Variants in ITPR2 observed in about 807,000 individuals in gnomAD.
ITPR2 encodes inositol 1,4,5-trisphosphate-gated calcium channel ITPR2.
ITPR2 carries 207 observed loss-of-function variants against 317.1 expected under a neutral mutation model. The observed-to-expected ratio is 0.65, with a 90% CI of 0.58 to 0.73. The LOEUF is 0.73. Among genes scored for constraint, ITPR2 ranks in the 30% least tolerant of loss-of-function variants. The pLI is 0.00. For synonymous variants in ITPR2, 1,156 were observed against 1,149.1 expected (o/e 1.01, Z -0.12); for missense variants, 2,613 against 3,284.0 (o/e 0.80, Z 4.99).
Position 26,461,621 on chromosome 12 carries a change from CATATAAATATATATATATAT to C in ITPR2, c.6342+13655_6342+13674del, listed in dbSNP as rs1409836282. Among the ~76,000 whole-genome samples the C allele has an allele frequency of 5.5e-3, 662 of 119,432 alleles. 14 individuals carry two copies. Among genetic ancestry groups the C allele is most frequent in the African/African-American group, 0.026 (630 of 24,504 alleles). The allele number at this position is 119,432 out of a possible 152,430, so 78.4% of individuals were successfully genotyped here. On this transcript the variant is annotated intron_variant, in intron 45 of 56. Coordinates refer to ENST00000381340, the MANE Select transcript of ITPR2 (RefSeq NM_002223.4). ...AAGCTGACAATAAGAAAAAGAAAAG[CATATAAATATATATATATAT>C]ATATATATATATATATATATATATA... is the stretch of plus-strand genomic sequence containing the variant.
intron 37 of ITPR2, 54 bp from the exon 38 acceptor site, chr12:26,495,314 A>C: frequency 1.0e-6 from 1 of 987,680 alleles, no homozygotes; most frequent in South Asian, 1.4e-5. Flanking sequence ...AAAAGTGAAA[A>C]ATGTCAGTAT....
At chr12:26,471,535 T>G (rs922090455) in intron 45 of ITPR2, among the ~76,000 whole-genome samples, 3 of 152,134 alleles carry the variant, frequency 2.0e-5, no homozygotes, top group African/African-American at 7.2e-5. Context: ...GTACTTATAG[T>G]TTTATGTAGA....
intron 48 of ITPR2, among the ~76,000 whole-genome samples, chr12:26,429,427 C>A (rs1240456004): frequency 6.6e-6 from 1 of 152,126 alleles, no homozygotes; most frequent in Non-Finnish European, 1.5e-5. Flanking sequence ...CAATTCTTGT[C>A]CTCTGGCAAT....
chr12:26,556,630 A>C (rs552395206), intron 35 of ITPR2, among the ~76,000 whole-genome samples: 17 of 151,100 alleles, frequency 1.1e-4, no homozygotes, highest in African/African-American at 4.1e-4. Context: ...ACAGGTAGCT[A>C]TAAGACTTCT....
chr12:26,613,754 T>C (rs1946320949), intron 26 of ITPR2, among the ~76,000 whole-genome samples: 1 of 152,040 alleles, frequency 6.6e-6, no homozygotes, highest in Non-Finnish European at 1.5e-5. Flanking sequence ...TTGGTGCTCA[T>C]CAAAAGCAAA....
At chr12:26,747,967 G>A (rs1201619094) in intron 2 of ITPR2, among the ~76,000 whole-genome samples, 1 of 152,164 alleles carries the variant, frequency 6.6e-6, no homozygotes, top group Non-Finnish European at 1.5e-5. Flanking sequence ...GAATAATTCA[G>A]TCTATCAACT....
chr12:26,685,051 T>C (rs911651712), intron 11 of ITPR2, among the ~76,000 whole-genome samples: 1 of 152,144 alleles, frequency 6.6e-6, no homozygotes, highest in Non-Finnish European at 1.5e-5. Flanking sequence ...TGTTTCTCAA[T>C]AGTGTTATTA....
chr12:26,601,718 A>G lies in ITPR2; in HGVS notation c.3678+652T>C, dbSNP rs145381464. 4.1e-3 allele frequency among the ~76,000 whole-genome samples: 631 copies of G among 152,352 alleles called. 7 individuals are homozygous for G. Among genetic ancestry groups the G allele is most frequent in the African/African-American group, 0.014 (599 of 41,586 alleles). On this transcript the variant is annotated intron_variant, in intron 28 of 56. Coordinates refer to ENST00000381340, the MANE Select transcript of ITPR2 (RefSeq NM_002223.4). Reference sequence around the variant, plus strand: ...GAATGGGATATTTACTTAGTTTCACAGAACTGCTCCACAAAATACCTATTA... The same window carrying G: ...GAATGGGATATTTACTTAGTTTCACGGAACTGCTCCACAAAATACCTATTA...
At chr12:26,740,650 G>A (rs914920265) in intron 2 of ITPR2, among the ~76,000 whole-genome samples, 6 of 152,184 alleles carry the variant, frequency 3.9e-5, no homozygotes, top group African/African-American at 7.2e-5. Context: ...CCTGAGATAC[G>A]GAAATGGATG....
rs151024104 is a variant in ITPR2 at position 26,413,301 on chromosome 12, T to C, written c.7307-1889A>G. ...CAGGGCCCTGTGATGGCTTTACCATTCAGCTTTAGAACTCAACCTCCCCTC... is the reference window on the plus strand; with the variant it reads ...CAGGGCCCTGTGATGGCTTTACCATCCAGCTTTAGAACTCAACCTCCCCTC... On this transcript the variant is annotated intron_variant, in intron 51 of 56. Transcript: ENST00000381340. Among the ~76,000 whole-genome samples, 317 of 152,340 alleles carry C rather than the reference T, an allele frequency of 2.1e-3. 4 individuals are homozygous for C. The highest frequency in any genetic ancestry group is 9.0e-3 in the Admixed American group (138 of 15,304).
At chr12:26,551,843 G>A (rs1290724608) in intron 36 of ITPR2, among the ~76,000 whole-genome samples, 2 of 152,218 alleles carry the variant, frequency 1.3e-5, no homozygotes, top group Admixed American at 6.5e-5. Flanking sequence ...TAAAGACCTG[G>A]AAGAGGAAAG....
At chr12:26,602,330 A>G in intron 28 of ITPR2, 40 bp downstream of exon 28, 4 of 1,565,650 alleles carry the variant, frequency 2.6e-6, no homozygotes, top group Non-Finnish European at 3.4e-6. Context: ...AAATTGTATC[A>G]AAATAAAAAG....
At chr12:26,674,611 A>G (rs1053467813) in intron 13 of ITPR2, among the ~76,000 whole-genome samples, 5 of 152,266 alleles carry the variant, frequency 3.3e-5, no homozygotes, top group Non-Finnish European at 7.3e-5. Context: ...AAACCTAGGC[A>G]TTACCATTCA....
chr12:26,483,176 G>C (rs999610083), intron 42 of ITPR2, among the ~76,000 whole-genome samples: 1 of 152,164 alleles, frequency 6.6e-6, no homozygotes, highest in Non-Finnish European at 1.5e-5. Flanking sequence ...AAGAGCACTC[G>C]ATTTAGACTC....
intron 54 of ITPR2, among the ~76,000 whole-genome samples, chr12:26,391,554 TCC>T (rs376565415): frequency 0.023 from 1,474 of 63,422 alleles, 95 homozygotes; most frequent in East Asian, 0.088. Context: ...CTTCTTCTTT[TCC>T]TTTTTTTTTT....
At chr12:26,368,798 A>G (rs571289924) in intron 55 of ITPR2, among the ~76,000 whole-genome samples, 2 of 152,368 alleles carry the variant, frequency 1.3e-5, no homozygotes, top group Admixed American at 6.5e-5. Flanking sequence ...TAATACAACA[A>G]TGAAAAAAAC....
chr12:26,725,780 C>G lies in ITPR2; in HGVS notation c.164-15G>C. 1 of 1,512,730 alleles carries G rather than the reference C, an allele frequency of 6.6e-7. No individual in the cohort carries two copies. The highest frequency in any genetic ancestry group is 9.2e-7 in the Non-Finnish European group (1 of 1,088,672). 93.7% of individuals were successfully genotyped at this position (1,512,730 alleles called of 1,614,324 possible). ...GAAAAGGCAGTCTGTGACAAACCAA[C>G]ATACAAAAACACTGTAACTAAGGCT... On this transcript the variant is annotated splice_polypyrimidine_tract_variant and intron_variant, in intron 2 of 56. Coordinates refer to ENST00000381340, the MANE Select transcript of ITPR2 (RefSeq NM_002223.4).
chr12:26,725,839 C>T (rs2137051106), intron 2 of ITPR2, 74 bp from the exon 3 acceptor site: 1 of 969,942 alleles, frequency 1.0e-6, no homozygotes, highest in Non-Finnish European at 1.6e-6. Flanking sequence ...TATAGCTCAG[C>T]TTTTGAATCT....
intron 45 of ITPR2, among the ~76,000 whole-genome samples, chr12:26,462,898 C>A (rs1271192619): frequency 6.6e-6 from 1 of 152,144 alleles, no homozygotes; most frequent in African/African-American, 2.4e-5. Context: ...TCTCAAACTC[C>A]TGACCTCAAA....
Sources: gnomAD v4.1 joint callset for allele counts (sites outside exome capture counted in the v4.1 genomes callset) on GRCh38, gnomAD v4.1.1 for gene constraint, MANE v1.5 for transcripts, NCBI Gene and HGNC (gene_info 2026-07-23, HGNC 2026-07-21) for gene names.